PIGU: variants seen among roughly 807,000 people sequenced by gnomAD.
The protein encoded by PIGU is phosphatidylinositol glycan anchor biosynthesis class U.
In PIGU, 24 loss-of-function variants were observed where a neutral mutation model predicts 49.9. The observed-to-expected ratio is 0.48, with a 90% CI of 0.35 to 0.68. The LOEUF is 0.68. Among genes scored for constraint, PIGU ranks in the 30% least tolerant of loss-of-function variants. The probability of loss-of-function intolerance (pLI) is 0.01; values close to 1 mark genes in which losing one functional copy is unlikely to be tolerated. For synonymous variants in PIGU, 220 were observed against 205.7 expected, an observed-to-expected ratio of 1.07 and a Z score of -0.59; for missense variants, 490 against 532.6, an observed-to-expected ratio of 0.92 and a Z score of 0.79.
intron 11 of PIGU, among the ~76,000 whole-genome samples, chr20:34,565,210 C>G (rs1982693964): frequency 6.6e-6 from 1 of 152,154 alleles, no homozygotes; most frequent in African/African-American, 2.4e-5. Context: ...TTTTCCTCAT[C>G]TGGAAAATGA....
intron 1 of PIGU, among the ~76,000 whole-genome samples, chr20:34,673,935 C>A (rs1218119269): frequency 1.3e-5 from 2 of 152,112 alleles, no homozygotes; most frequent in African/African-American, 2.4e-5. Context: ...TGCCTGTAGT[C>A]CCAGCTACTT....
intron 1 of PIGU, among the ~76,000 whole-genome samples, chr20:34,659,496 C>T (rs1347307729): frequency 6.6e-6 from 1 of 152,094 alleles, no homozygotes; most frequent in Non-Finnish European, 1.5e-5. Context: ...GCCCGGCTGC[C>T]CCTACTGGGA....
intron 10 of PIGU, among the ~76,000 whole-genome samples, chr20:34,575,532 G>C (rs892925293): frequency 6.6e-6 from 1 of 152,106 alleles, no homozygotes; most frequent in Non-Finnish European, 1.5e-5. Flanking sequence ...AGTGCCTCGG[G>C]GCACCAAACA....
chr20:34,642,256 C>T (rs1387217900), intron 4 of PIGU, among the ~76,000 whole-genome samples: 3 of 152,174 alleles, frequency 2.0e-5, no homozygotes, highest in South Asian at 2.1e-4. Context: ...GTCACTCAGG[C>T]GGGAGTGCAG....
At chr20:34,577,012 G>C (rs1421564730) in intron 10 of PIGU, among the ~76,000 whole-genome samples, 2 of 152,138 alleles carry the variant, frequency 1.3e-5, no homozygotes, top group Admixed American at 1.3e-4. Flanking sequence ...TCTTTGTGAG[G>C]GGAGGGCTAC....
At chr20:34,663,761 G>T (rs1343177460) in intron 1 of PIGU, among the ~76,000 whole-genome samples, 1 of 152,158 alleles carries the variant, frequency 6.6e-6, no homozygotes, top group East Asian at 1.9e-4. Context: ...CTTTACTGGA[G>T]ACCCAAGGAG....
At chr20:34,668,867 CTTTTTTTTT>C (rs374136983) in intron 1 of PIGU, among the ~76,000 whole-genome samples, 659 of 44,730 alleles carry the variant, frequency 0.015, 11 homozygotes, top group Middle Eastern at 0.04. Flanking sequence ...AATGGTAAAA[CTTTTTTTTT>C]TTTTTTTTTT....
At chr20:34,671,147 G>A (rs556408678) in intron 1 of PIGU, among the ~76,000 whole-genome samples, 1 of 152,286 alleles carries the variant, frequency 6.6e-6, no homozygotes, top group Non-Finnish European at 1.5e-5. Flanking sequence ...TTTATAAAAT[G>A]GGGTTGATAA....
chr20:34,628,598 C>G (rs886708050), intron 6 of PIGU, among the ~76,000 whole-genome samples: 12 of 152,024 alleles, frequency 7.9e-5, no homozygotes, highest in Non-Finnish European at 1.8e-4. Context: ...CACCTGTAAC[C>G]CCAGCACTTT....
chr20:34,661,515 A>G (rs1410202339), intron 1 of PIGU, among the ~76,000 whole-genome samples: 1 of 145,928 alleles, frequency 6.9e-6, no homozygotes, highest in Non-Finnish European at 1.5e-5. Context: ...CTCCAGCTCC[A>G]TCCATGTTGG....
chr20:34,572,077 CT>C (rs922568182), intron 11 of PIGU, among the ~76,000 whole-genome samples: 1 of 152,228 alleles, frequency 6.6e-6, no homozygotes, highest in South Asian at 2.1e-4. Context: ...CATATGCCCC[CT>C]GACCCAGCAA....
At chr20:34,566,752 G>C (rs1473400418) in intron 11 of PIGU, among the ~76,000 whole-genome samples, 1 of 152,088 alleles carries the variant, frequency 6.6e-6, no homozygotes, top group African/African-American at 2.4e-5. Context: ...CTGCCTGTCA[G>C]AGGCCCAATC....
chr20:34,657,328 G>A, intron 1 of PIGU, 84 bp from the exon 2 acceptor site: 1 of 991,092 alleles, frequency 1.0e-6, no homozygotes, highest in Admixed American at 2.0e-5. Context: ...ACCAAAAAGG[G>A]CCTTAGCGTT....
At chr20:34,598,249 A>C (rs8119143) in intron 7 of PIGU, among the ~76,000 whole-genome samples, 151 of 152,312 alleles carry the variant, frequency 9.9e-4, no homozygotes, top group African/African-American at 3.4e-3. Context: ...CATTCAAGAC[A>C]GATGGGACAT....
intron 11 of PIGU, among the ~76,000 whole-genome samples, chr20:34,573,731 A>C (rs568361745): frequency 3.9e-5 from 6 of 152,378 alleles, no homozygotes; most frequent in African/African-American, 1.4e-4. Flanking sequence ...TGAGCCCTGC[A>C]GAATTCTGCC....
chr20:34,659,039 C>G (rs530635238), intron 1 of PIGU, among the ~76,000 whole-genome samples: 28 of 146,954 alleles, frequency 1.9e-4, no homozygotes, highest in African/African-American at 6.8e-4. Flanking sequence ...GTGAGGAGCC[C>G]CTCTGCCCGG....
At chr20:34,635,512 ATCTT>A (rs1284967766) in intron 5 of PIGU, among the ~76,000 whole-genome samples, 1 of 152,214 alleles carries the variant, frequency 6.6e-6, no homozygotes, top group Non-Finnish European at 1.5e-5. Flanking sequence ...GAGTAGGGAA[ATCTT>A]AGATAGTCAT....
intron 7 of PIGU, among the ~76,000 whole-genome samples, chr20:34,591,174 T>C (rs1012653475): frequency 1.3e-5 from 2 of 152,092 alleles, no homozygotes; most frequent in African/African-American, 2.4e-5. Flanking sequence ...TAAAAAAGTA[T>C]TGCAGAGATA....
At position 34,575,197 on chromosome 20, in the gene PIGU, C is replaced by T. The variant is rs1336940319; in HGVS notation, c.1101G>A (p.Leu367=). 1 of 1,614,102 alleles carries T rather than the reference C, an allele frequency of 6.2e-7. No individual in the cohort carries two copies. Residue 367 remains leucine (L), a synonymous_variant, in exon 11 of 12, where the codon CTG becomes CTA. Transcript: ENST00000217446. ...VLTCIIIVCS[L]LFPVLWHLWI... The stretch of plus-strand genomic sequence containing the variant: ...AGAGGTGCCACAGGACAGGGAAGAG[C>T]AGGGAACAGACGATGATGATGCAGG...
Sources: allele counts gnomAD v4.1 joint callset (sites outside exome capture counted in the v4.1 genomes callset), GRCh38; gene constraint gnomAD v4.1.1; transcripts MANE v1.5; gene names NCBI Gene and HGNC (gene_info 2026-07-23, HGNC 2026-07-21).